PCDHGB3: variants seen among roughly 807,000 people sequenced by gnomAD.
PCDHGB3 encodes the protein protocadherin gamma-B3.
PCDHGB3 carries 40 observed loss-of-function variants against 59.2 expected under a neutral mutation model. That is an observed-to-expected ratio of 0.68 (90% CI 0.52 to 0.88). The LOEUF is 0.88. PCDHGB3 is among the 40% of genes least tolerant of loss of function. The pLI is 0.00. For missense variants in PCDHGB3, 1,309 were observed against 1,187.9 expected, an observed-to-expected ratio of 1.10 and a Z score of -1.50; for synonymous variants, 581 against 503.6, an observed-to-expected ratio of 1.15 and a Z score of -2.06.
At position 141,457,403 on chromosome 5, in the gene PCDHGB3, C is replaced by A. The variant is rs550748216; in HGVS notation, c.2416-37404C>A. On this transcript the variant is annotated intron_variant, in intron 1 of 3. Transcript: ENST00000576222. ...GAACTAGCATATTGATTCACATTTT[C>A]ACATTACCCATCCCTTTTTCCCCCC... Among the ~76,000 whole-genome samples, 4 of 152,328 alleles carry A rather than the reference C, an allele frequency of 2.6e-5. No homozygotes were observed. In the East Asian group the frequency reaches 7.7e-4, roughly 29 times the overall value.
rs780541121 is a variant in PCDHGB3 at position 141,477,533 on chromosome 5, G to T, written c.2416-17274G>T. ...TTACATTGAAGAAAACAACCTCCCCGGGGCTCCAATACTAAACCTAAGTGT... is the reference window on the plus strand; with the variant it reads ...TTACATTGAAGAAAACAACCTCCCCTGGGCTCCAATACTAAACCTAAGTGT... On this transcript the variant is annotated intron_variant, in intron 1 of 3. Coordinates refer to ENST00000576222, the MANE Select transcript of PCDHGB3 (RefSeq NM_018924.5). This position sits in a 1 kb window ranked among gnomAD's most constrained non-coding sequence, Gnocchi z 4.9. 6.2e-7 allele frequency: 1 copy of T among 1,614,010 alleles called. No homozygotes were observed. The highest frequency in any genetic ancestry group is 1.1e-5 in the South Asian group (1 of 91,066).
rs1224943883 is a variant in PCDHGB3 at position 141,493,516 on chromosome 5, G to A, written c.2416-1291G>A. Among the ~76,000 whole-genome samples, 1 of 152,122 alleles carries A rather than the reference G, an allele frequency of 6.6e-6. No individual in the cohort carries two copies. The highest frequency in any genetic ancestry group is 1.5e-5 in the Non-Finnish European group (1 of 68,036). On this transcript the variant is annotated intron_variant, in intron 1 of 3. Coordinates refer to ENST00000576222, the MANE Select transcript of PCDHGB3 (RefSeq NM_018924.5). The surrounding 1 kb of genome is among the most constrained non-coding windows in gnomAD (Gnocchi z 4.3). ...GGCTCCTCATTTCTGAGCAGTCCCC[G>A]CAGCGCAAACTTGGCCAGTTATCCT...
rs754935227 is a variant in PCDHGB3 at position 141,395,069 on chromosome 5, C to G, written c.2415+22260C>G. The G allele has an allele frequency of 3.7e-6, 6 of 1,614,006 alleles. No homozygotes were observed. In the African/African-American group the frequency reaches 8.0e-5, roughly 22 times the overall value. ...AGGAGGTACAGGCTTTCCTGCAGAC[C>G]TATTCCCAGGAAGTCTCCCTCACCG... On this transcript the variant is annotated intron_variant, in intron 1 of 3. Transcript: ENST00000576222.
At chr5:141,415,071 G>A (rs757356726) in intron 1 of PCDHGB3, 21 of 1,613,422 alleles carry the variant, frequency 1.3e-5, no homozygotes, top group East Asian at 2.2e-5. Flanking sequence ...AGGTGCGCAC[G>A]GCGCGAGCCC....
At chr5:141,375,758 G>A in intron 1 of PCDHGB3, 1 of 1,614,230 alleles carries the variant, frequency 6.2e-7, no homozygotes. Context: ...GAATGACAAT[G>A]CGCCCGAGAT....
chr5:141,374,573 A>T (rs1319007072), intron 1 of PCDHGB3: 15 of 1,613,740 alleles, frequency 9.3e-6, no homozygotes, highest in Non-Finnish European at 1.3e-5. Context: ...TGATGTGGGA[A>T]TGAACTCCCT....
At chr5:141,381,561 A>G (rs1251342749) in intron 1 of PCDHGB3, among the ~76,000 whole-genome samples, 3 of 152,196 alleles carry the variant, frequency 2.0e-5, no homozygotes, top group Non-Finnish European at 4.4e-5. Flanking sequence ...TGAATTGCAT[A>G]ATGAAAAGAA....
rs1247556723 is a variant in PCDHGB3 at position 141,489,841 on chromosome 5, G to A, written c.2416-4966G>A. 6.2e-7 allele frequency: 1 copy of A among 1,614,224 alleles called. No individual in the cohort carries two copies. The highest frequency in any genetic ancestry group is 1.7e-5 in the Admixed American group (1 of 60,032). On this transcript the variant is annotated intron_variant, in intron 1 of 3. Coordinates refer to ENST00000576222, the MANE Select transcript of PCDHGB3 (RefSeq NM_018924.5). The surrounding 1 kb of genome is among the most constrained non-coding windows in gnomAD (Gnocchi z 4.5). Reference sequence around the variant, plus strand: ...AGAGCTGGTGCTAGAGCAGCAGCTGGATCGTGAAGCCCAGGCAAGACATCA... The same window carrying A: ...AGAGCTGGTGCTAGAGCAGCAGCTGAATCGTGAAGCCCAGGCAAGACATCA...
At chr5:141,502,818 C>T (rs1209481886) in intron 2 of PCDHGB3, among the ~76,000 whole-genome samples, 1 of 150,836 alleles carries the variant, frequency 6.6e-6, no homozygotes, top group Non-Finnish European at 1.5e-5. Context: ...ACTGTCTTTT[C>T]CTTGGGGAAG....
intron 1 of PCDHGB3, among the ~76,000 whole-genome samples, chr5:141,381,834 T>TTCTTC (rs1561589417): frequency 7.1e-6 from 1 of 140,214 alleles, no homozygotes; most frequent in African/African-American, 2.7e-5. Flanking sequence ...TTCTTTTTTT[T>TTCTTC]TTTTTTTTTT....
chr5:141,500,433 T>A (rs1398344932), intron 2 of PCDHGB3, among the ~76,000 whole-genome samples: 17 of 151,882 alleles, frequency 1.1e-4, no homozygotes, highest in East Asian at 7.8e-4. Flanking sequence ...ATGGTCTCGA[T>A]CTCCTGACCT....
rs1362496624 is a variant in PCDHGB3, at chr5:141,432,370, C to T, written c.2415+59561C>T. On this transcript the variant is annotated intron_variant, in intron 1 of 3. Coordinates refer to ENST00000576222, the MANE Select transcript of PCDHGB3 (RefSeq NM_018924.5). This position sits in a 1 kb window ranked among gnomAD's most constrained non-coding sequence, Gnocchi z 6.0. ...AAGTGAAAGTGATGGCGCGGGACAA[C>T]GGGCACCCGCCCCTCAGCAGCAACG... The T allele has an allele frequency of 6.2e-7, 1 of 1,614,240 alleles. No individual in the cohort carries two copies. Among genetic ancestry groups the T allele is most frequent in the Non-Finnish European group, 8.5e-7 (1 of 1,180,048 alleles).
intron 1 of PCDHGB3, among the ~76,000 whole-genome samples, chr5:141,449,264 C>T (rs2098633342): frequency 6.6e-6 from 1 of 152,056 alleles, no homozygotes; most frequent in African/African-American, 2.4e-5. Flanking sequence ...GTACAAAGAA[C>T]TGTATCTCCT....
At chr5:141,419,939 G>GTGGCCT (rs780963377) in intron 1 of PCDHGB3, 3 of 1,614,054 alleles carry the variant, frequency 1.9e-6, no homozygotes, top group Admixed American at 1.7e-5. Flanking sequence ...TTACCTGGTG[G>GTGGCCT]TGGCCTTGGC....
intron 1 of PCDHGB3, among the ~76,000 whole-genome samples, chr5:141,482,811 C>T (rs1397161943): frequency 2.0e-5 from 3 of 152,164 alleles, no homozygotes; most frequent in Non-Finnish European, 4.4e-5. Context: ...GTGGCTCATG[C>T]CTGTAATCCT....
chr5:141,452,378 T>C (rs1227738942), intron 1 of PCDHGB3, among the ~76,000 whole-genome samples: 1 of 152,226 alleles, frequency 6.6e-6, no homozygotes, highest in African/African-American at 2.4e-5. Context: ...TAGTAGGGAA[T>C]AGTATTTAGA....
At chr5:141,403,890 C>A in intron 1 of PCDHGB3, 1 of 1,613,714 alleles carries the variant, frequency 6.2e-7, no homozygotes, top group Non-Finnish European at 8.5e-7. Flanking sequence ...GAAGAATGTT[C>A]ATTTTATGAA....
chr5:141,489,253 A>T lies in PCDHGB3; in HGVS notation c.2416-5554A>T. 1 of 1,547,506 alleles carries T rather than the reference A, an allele frequency of 6.5e-7. No individual in the cohort carries two copies. The highest frequency in any genetic ancestry group is 2.3e-5 in the East Asian group (1 of 44,418). ...GGACTTCTGGGTCATGGGGCCCAAG[A>T]CACTCCCACAGCTCGCTGGGAAATG... On this transcript the variant is annotated intron_variant, in intron 1 of 3. Coordinates refer to ENST00000576222, the MANE Select transcript of PCDHGB3 (RefSeq NM_018924.5). This position sits in a 1 kb window ranked among gnomAD's most constrained non-coding sequence, Gnocchi z 4.5.
chr5:141,419,469 A>G, intron 1 of PCDHGB3: 1 of 1,612,490 alleles, frequency 6.2e-7, no homozygotes, highest in South Asian at 1.1e-5. Context: ...GCCCGCGACC[A>G]GGGCTCGCCC....
Sources: allele counts gnomAD v4.1 joint callset (sites outside exome capture counted in the v4.1 genomes callset), GRCh38; gene constraint gnomAD v4.1.1; non-coding constraint Gnocchi (gnomAD v3.1); transcripts MANE v1.5; gene names NCBI Gene and HGNC (gene_info 2026-07-23, HGNC 2026-07-21).